ELP4: variants seen among roughly 807,000 people sequenced by gnomAD.
The protein encoded by ELP4 is elongator complex protein 4.
A neutral mutation model predicts 48.9 loss-of-function variants in ELP4; 51 were observed. That is an observed-to-expected ratio of 1.04 (90% CI 0.83 to 1.32). The LOEUF is 1.32. ELP4 is among the 40% of genes most tolerant of loss of function. The pLI, the probability that ELP4 is intolerant of heterozygous loss-of-function variation, is 0.00. For synonymous variants in ELP4, 210 were observed against 189.2 expected (o/e 1.11, Z -0.90); for missense variants, 519 against 514.6 (o/e 1.01, Z -0.08).
intron 2 of ELP4, among the ~76,000 whole-genome samples, chr11:31,539,321 C>CGGGCCTGGTGGCAG (rs1328433642): frequency 6.6e-6 from 1 of 152,072 alleles, no homozygotes; most frequent in Non-Finnish European, 1.5e-5. Flanking sequence ...AAAAATTAGC[C>CGGGCCTGGTGGCAG]GGGCCTGGTG....
chr11:31,535,328 C>G (rs1167274046), intron 2 of ELP4, among the ~76,000 whole-genome samples: 1 of 151,462 alleles, frequency 6.6e-6, no homozygotes, highest in African/African-American at 2.4e-5. Flanking sequence ...TAAAATGCAC[C>G]CATTTGTTTA....
At chr11:31,533,448 G>T (rs1956439115) in intron 2 of ELP4, among the ~76,000 whole-genome samples, 1 of 137,652 alleles carries the variant, frequency 7.3e-6, no homozygotes, top group Admixed American at 8.1e-5. Flanking sequence ...CGCTATCTCG[G>T]CTCACTGCAA....
intron 5 of ELP4, among the ~76,000 whole-genome samples, chr11:31,624,499 AGTT>A (rs1944698691): frequency 6.6e-6 from 1 of 151,618 alleles, no homozygotes; most frequent in Middle Eastern, 3.2e-3. Context: ...CAGGACTGGA[AGTT>A]GCTCTGGGTG....
intron 9 of ELP4, among the ~76,000 whole-genome samples, chr11:31,729,142 CA>C (rs2134197785): frequency 6.6e-6 from 1 of 152,220 alleles, no homozygotes; most frequent in South Asian, 2.1e-4. Flanking sequence ...AATTGTAGCT[CA>C]TTTTAAAATG....
intron 6 of ELP4, among the ~76,000 whole-genome samples, chr11:31,629,320 A>G (rs1354005532): frequency 1.3e-5 from 2 of 152,030 alleles, no homozygotes; most frequent in East Asian, 3.9e-4. Context: ...TATGCCACAC[A>G]GTATGCCCCA....
At chr11:31,561,646 G>T (rs566518720) in intron 3 of ELP4, among the ~76,000 whole-genome samples, 2 of 152,178 alleles carry the variant, frequency 1.3e-5, no homozygotes, top group Non-Finnish European at 2.9e-5. Flanking sequence ...GTTTCACCAT[G>T]TTGGCCTGGC....
intron 9 of ELP4, among the ~76,000 whole-genome samples, chr11:31,721,517 T>G (rs574048035): frequency 6.6e-6 from 1 of 152,232 alleles, no homozygotes; most frequent in African/African-American, 2.4e-5. Context: ...TCTAAAACTG[T>G]GTATTCAACT....
chr11:31,640,627 G>A (rs2134059368), intron 7 of ELP4, among the ~76,000 whole-genome samples: 1 of 151,970 alleles, frequency 6.6e-6, no homozygotes, highest in East Asian at 1.9e-4. Context: ...ATTAAATTAG[G>A]CTTGTAACCT....
At chr11:31,754,385 CA>C (rs1362272263) in intron 9 of ELP4, among the ~76,000 whole-genome samples, 1 of 152,216 alleles carries the variant, frequency 6.6e-6, no homozygotes, top group African/African-American at 2.4e-5. Context: ...CACCGAGCTG[CA>C]ACCACCTTCA....
intron 2 of ELP4, among the ~76,000 whole-genome samples, chr11:31,526,956 G>A (rs571936175): frequency 6.6e-6 from 1 of 151,764 alleles, no homozygotes; most frequent in Non-Finnish European, 1.5e-5. Context: ...CAAGCCTTTT[G>A]TATAGTCTGT....
In ELP4 at chr11:31,647,609, A is replaced by T. The variant is rs141517249; in HGVS notation, c.928-132A>T. ...CAGTTTTCAGCCTATAGTAGCTTTA[A>T]CTTTTAAGTTATTTCACTGTTGATA... On this transcript the variant is annotated intron_variant, in intron 7 of 9. Coordinates refer to ENST00000640961, the MANE Select transcript of ELP4 (RefSeq NM_019040.5). The T allele has an allele frequency of 7.1e-4, 418 of 586,278 alleles. 2 individuals carry two copies. Among genetic ancestry groups the T allele is most frequent in the African/African-American group, 6.9e-3 (367 of 52,912 alleles). The allele number at this position is 586,278 out of a possible 1,614,324, so 36.3% of individuals were successfully genotyped here.
chr11:31,547,407 A>G (rs1387011553), intron 3 of ELP4, among the ~76,000 whole-genome samples: 1 of 152,228 alleles, frequency 6.6e-6, no homozygotes, highest in Admixed American at 6.5e-5. Flanking sequence ...AAATTCCTTG[A>G]CACATACACT....
In ELP4 at chr11:31,609,731, A is replaced by G. The variant is rs188192829; in HGVS notation, c.653+5824A>G. ...AGCAAAGATCCACAGTATATTCAAAAGTCTAAATATAAGATTAAAGATTAC... is the reference window on the plus strand; with the variant it reads ...AGCAAAGATCCACAGTATATTCAAAGGTCTAAATATAAGATTAAAGATTAC... On this transcript the variant is annotated intron_variant, in intron 5 of 9. Coordinates refer to ENST00000640961, the MANE Select transcript of ELP4 (RefSeq NM_019040.5). Among the ~76,000 whole-genome samples, 151 of 152,268 alleles carry G rather than the reference A, an allele frequency of 9.9e-4. 1 individual carries two copies. Among genetic ancestry groups the G allele is most frequent in the African/African-American group, 3.3e-3 (139 of 41,558 alleles).
chr11:31,695,208 TGA>T lies in ELP4; in HGVS notation c.1143+44993_1143+44994del, dbSNP rs761296606. On this transcript the variant is annotated intron_variant, in intron 9 of 9. Coordinates refer to ENST00000640961, the MANE Select transcript of ELP4 (RefSeq NM_019040.5). ...CCAACACTATGTTGAATAGGAGTGG[TGA>T]GAGAGGGCATCCCTGTCTTGTGCCA... 2.0e-5 allele frequency among the ~76,000 whole-genome samples: 3 copies of T among 152,162 alleles called. No individual in the cohort carries two copies. In the East Asian group the frequency reaches 5.8e-4, roughly 29 times the overall value.
intron 3 of ELP4, among the ~76,000 whole-genome samples, chr11:31,589,811 C>G (rs1325809736): frequency 6.6e-6 from 1 of 152,050 alleles, no homozygotes; most frequent in Non-Finnish European, 1.5e-5. Context: ...TACTTTGCTC[C>G]AGTTCTACAC....
chr11:31,584,621 G>T (rs1447539505), intron 3 of ELP4, among the ~76,000 whole-genome samples: 1 of 151,970 alleles, frequency 6.6e-6, no homozygotes, highest in African/African-American at 2.4e-5. Flanking sequence ...CTCCACCCCC[G>T]GGTTCAAGCG....
intron 7 of ELP4, among the ~76,000 whole-genome samples, chr11:31,635,983 T>C (rs1944967286): frequency 6.6e-6 from 1 of 152,004 alleles, no homozygotes; most frequent in Admixed American, 6.6e-5. Context: ...CAAGACTCTT[T>C]AAACATCATT....
chr11:31,620,556 A>C (rs1162825431), intron 5 of ELP4, among the ~76,000 whole-genome samples: 1 of 151,998 alleles, frequency 6.6e-6, no homozygotes, highest in Non-Finnish European at 1.5e-5. Flanking sequence ...GAATGGAGAT[A>C]AGATTGTTGG....
rs568889428 is a variant in ELP4, at chr11:31,574,509, G to A, written c.382-20261G>A. Among the ~76,000 whole-genome samples, 18 of 152,328 alleles carry A rather than the reference G, an allele frequency of 1.2e-4. No homozygotes were observed. In the East Asian group the frequency reaches 3.5e-3, roughly 29 times the overall value. On this transcript the variant is annotated intron_variant, in intron 3 of 9. Transcript: ENST00000640961. ...CCTCAACTGGGTCCCTGACCCCTGAGTAACCTAACTGGGACACACCTCCCA... is the reference window on the plus strand; with the variant it reads ...CCTCAACTGGGTCCCTGACCCCTGAATAACCTAACTGGGACACACCTCCCA...
Sources: gnomAD v4.1 joint callset for allele counts (sites outside exome capture counted in the v4.1 genomes callset) on GRCh38, gnomAD v4.1.1 for gene constraint, MANE v1.5 for transcripts, NCBI Gene and HGNC (gene_info 2026-07-23, HGNC 2026-07-21) for gene names.